The following ATG10 variants were observed in gnomAD, a reference collection of about 807,000 sequenced individuals.
ATG10 encodes the protein autophagy related 10.
ATG10 carries 30 observed loss-of-function variants against 32.1 expected under a neutral mutation model. The ratio of observed to expected loss-of-function variants is 0.94; its 90% confidence interval spans 0.70 to 1.27. The LOEUF is 1.27. Among genes scored for constraint, ATG10 ranks in the 50% most tolerant of loss-of-function variants. ATG10 has a pLI of 0.00. For synonymous variants in ATG10, 87 were observed against 91.5 expected, an observed-to-expected ratio of 0.95 and a Z score of 0.28; for missense variants, 233 against 262.3, an observed-to-expected ratio of 0.89 and a Z score of 0.77.
At chr5:82,007,356 A>G (rs545106629) in intron 2 of ATG10, among the ~76,000 whole-genome samples, 1 of 152,342 alleles carries the variant, frequency 6.6e-6, no homozygotes, top group Admixed American at 6.5e-5. Flanking sequence ...TGTGTATTTG[A>G]CAAGAGTAGT....
intron 3 of ATG10, among the ~76,000 whole-genome samples, chr5:82,140,824 CG>C (rs1013671515): frequency 6.4e-5 from 3 of 46,536 alleles, no homozygotes; most frequent in Non-Finnish European, 1.3e-4. Context: ...GGATGGTTGC[CG>C]TGTCTGTGTG....
At position 82,191,159 on chromosome 5, in the gene ATG10, T is replaced by G. The variant is rs548321738; in HGVS notation, c.453+12572T>G. On this transcript the variant is annotated intron_variant, in intron 5 of 7. Coordinates refer to ENST00000282185, the MANE Select transcript of ATG10 (RefSeq NM_031482.5). Reference sequence around the variant, plus strand: ...TGTTACAGTCTGATGTCAACCAGTCTTTTGATTGGAGTCACGTATCAATCA... The same window carrying G: ...TGTTACAGTCTGATGTCAACCAGTCGTTTGATTGGAGTCACGTATCAATCA... Among the ~76,000 whole-genome samples the G allele has an allele frequency of 2.0e-5, 3 of 152,354 alleles. No individual in the cohort carries two copies. The South Asian group carries it at 6.2e-4, about 32-fold the overall frequency.
intron 3 of ATG10, among the ~76,000 whole-genome samples, chr5:82,138,252 G>A (rs934308713): frequency 1.3e-5 from 2 of 152,076 alleles, no homozygotes; most frequent in African/African-American, 2.4e-5. Flanking sequence ...TCTCACTGGT[G>A]TTCCAGGAGC....
chr5:81,987,750 A>G (rs1314898463), intron 2 of ATG10, 72 bp downstream of exon 2: 8 of 1,105,120 alleles, frequency 7.2e-6, no homozygotes, highest in South Asian at 1.4e-5. Context: ...GTTTGTTGAC[A>G]GGTAAAACCT....
intron 5 of ATG10, among the ~76,000 whole-genome samples, chr5:82,241,434 C>A (rs1417097021): frequency 6.6e-6 from 1 of 152,182 alleles, no homozygotes; most frequent in Non-Finnish European, 1.5e-5. Context: ...CTCCCCATCA[C>A]ACTCAGAATA....
At chr5:82,239,230 C>T (rs1746688162) in intron 5 of ATG10, among the ~76,000 whole-genome samples, 1 of 152,118 alleles carries the variant, frequency 6.6e-6, no homozygotes, top group African/African-American at 2.4e-5. Context: ...GCTATGGGTG[C>T]CCTCCACACA....
At chr5:82,008,717 G>A (rs1195850901) in intron 2 of ATG10, among the ~76,000 whole-genome samples, 2 of 152,162 alleles carry the variant, frequency 1.3e-5, no homozygotes, top group African/African-American at 4.8e-5. Flanking sequence ...TCAAGCCCAG[G>A]ATCTGACCCT....
chr5:82,241,003 C>G (rs1746770330), intron 5 of ATG10, among the ~76,000 whole-genome samples: 1 of 152,054 alleles, frequency 6.6e-6, no homozygotes, highest in Non-Finnish European at 1.5e-5. Flanking sequence ...AACATTTAAC[C>G]CAGTGCATAG....
intron 3 of ATG10, among the ~76,000 whole-genome samples, chr5:82,091,479 G>T (rs781236674): frequency 1.8e-4 from 27 of 152,074 alleles, no homozygotes; most frequent in Non-Finnish European, 2.5e-4. Flanking sequence ...ATTCAACTGT[G>T]ATCATTTGAG....
intron 3 of ATG10, among the ~76,000 whole-genome samples, chr5:82,162,099 C>T (rs1743374825): frequency 6.6e-6 from 1 of 152,098 alleles, no homozygotes; most frequent in Non-Finnish European, 1.5e-5. Context: ...ATATTTCACA[C>T]ATATCCTTGC....
intron 2 of ATG10, among the ~76,000 whole-genome samples, chr5:82,055,669 C>G (rs982138505): frequency 6.6e-6 from 1 of 152,114 alleles, no homozygotes; most frequent in African/African-American, 2.4e-5. Flanking sequence ...GTTTTTATCT[C>G]TATGGCTAGA....
chr5:82,065,842 A>G (rs1179585065), intron 3 of ATG10, among the ~76,000 whole-genome samples: 1 of 152,176 alleles, frequency 6.6e-6, no homozygotes, highest in East Asian at 1.9e-4. Context: ...AAAATTAACC[A>G]TTATTAACTC....
chr5:82,006,499 T>C (rs955719117), intron 2 of ATG10, among the ~76,000 whole-genome samples: 2 of 152,204 alleles, frequency 1.3e-5, no homozygotes, highest in African/African-American at 4.8e-5. Flanking sequence ...TTAACTTAGC[T>C]TTCTTTATTT....
In ATG10 at chr5:82,021,796, G is replaced by A. The variant is rs531024226; in HGVS notation, c.108+34118G>A. Among the ~76,000 whole-genome samples the A allele has an allele frequency of 4.1e-4, 63 of 151,940 alleles. No homozygotes were observed. In the South Asian group the frequency reaches 6.9e-3, roughly 17 times the overall value. On this transcript the variant is annotated intron_variant, in intron 2 of 7. Transcript: ENST00000282185. ...TCCCAGCACTTTGGGAGGCCGAGGCGGGCGGATCACAAGGTCAAGAGATTG... is the reference window on the plus strand; with the variant it reads ...TCCCAGCACTTTGGGAGGCCGAGGCAGGCGGATCACAAGGTCAAGAGATTG...
intron 2 of ATG10, among the ~76,000 whole-genome samples, chr5:82,014,615 G>A (rs1252086530): frequency 1.3e-5 from 2 of 152,006 alleles, no homozygotes; most frequent in East Asian, 3.9e-4. Flanking sequence ...ATCTTTGTTG[G>A]TTTAAAGTCT....
chr5:82,236,416 C>CAA (rs1267389978), intron 5 of ATG10, among the ~76,000 whole-genome samples: 1 of 152,152 alleles, frequency 6.6e-6, no homozygotes, highest in Non-Finnish European at 1.5e-5. Flanking sequence ...TTGCTTAAAG[C>CAA]AACAATCTAT....
chr5:82,003,289 C>T (rs1177015034), intron 2 of ATG10, among the ~76,000 whole-genome samples: 1 of 152,186 alleles, frequency 6.6e-6, no homozygotes, highest in Non-Finnish European at 1.5e-5. Flanking sequence ...TATTTTCTAG[C>T]TTTGTCTACT....
At chr5:82,212,973 G>C (rs2059891) in intron 5 of ATG10, among the ~76,000 whole-genome samples, 122,740 of 152,118 alleles carry the variant, frequency 0.81, 49,873 homozygotes, top group East Asian at 0.99. Flanking sequence ...ATCTAAACCA[G>C]CAATACGATA....
At chr5:81,976,231 G>A (rs1446955367) in intron 1 of ATG10, 3 of 151,012 alleles carry the variant, frequency 2.0e-5, no homozygotes, top group Admixed American at 1.3e-4. Context: ...AGATGGTCTC[G>A]ATCTCCTGAC....
Sources: gnomAD v4.1 joint callset for allele counts (sites outside exome capture counted in the v4.1 genomes callset) on GRCh38, gnomAD v4.1.1 for gene constraint, MANE v1.5 for transcripts, NCBI Gene and HGNC (gene_info 2026-07-23, HGNC 2026-07-21) for gene names.